Variants in CBFA2T3 observed in about 807,000 individuals in gnomAD.
CBFA2T3 encodes CBFA2/RUNX1 partner transcriptional co-repressor 3.
In CBFA2T3, 31 loss-of-function variants were observed where a neutral mutation model predicts 58.6. The observed-to-expected ratio is 0.53, with a 90% CI of 0.40 to 0.71. CBFA2T3 has a LOEUF of 0.71. Among genes scored for constraint, CBFA2T3 ranks in the 30% least tolerant of loss-of-function variants. CBFA2T3 has a pLI of 0.00. For synonymous variants in CBFA2T3, 531 were observed against 421.9 expected (o/e 1.26, Z -3.17); for missense variants, 1,076 against 963.1 (o/e 1.12, Z -1.55).
chr16:88,936,901 G>A (rs1464252723), intron 1 of CBFA2T3: 2 of 152,280 alleles, frequency 1.3e-5, no homozygotes, highest in African/African-American at 4.8e-5. Flanking sequence ...CAGAAGTGGG[G>A]ACTGGGGAGC....
intron 1 of CBFA2T3, among the ~76,000 whole-genome samples, chr16:88,916,639 G>A (rs1372187356): frequency 1.3e-5 from 2 of 151,312 alleles, no homozygotes; most frequent in African/African-American, 4.9e-5. Context: ...CCTGGGGAGA[G>A]GTGGGTGGGC....
At chr16:88,896,646 G>T (rs113723747) in intron 3 of CBFA2T3, among the ~76,000 whole-genome samples, 1 of 152,216 alleles carries the variant, frequency 6.6e-6, no homozygotes, top group Non-Finnish European at 1.5e-5. Flanking sequence ...AGCCAGGCCA[G>T]GAGATGGCCC....
intron 7 of CBFA2T3, 44 bp from the exon 8 acceptor site, chr16:88,882,805 G>C (rs765607940): frequency 7.7e-7 from 1 of 1,306,628 alleles, no homozygotes; most frequent in Non-Finnish European, 1.1e-6. Flanking sequence ...CCCACAGCCA[G>C]TCTCTGCCCT....
At chr16:88,878,692 T>A (rs998995294) in intron 11 of CBFA2T3, among the ~76,000 whole-genome samples, 12 of 152,208 alleles carry the variant, frequency 7.9e-5, no homozygotes, top group African/African-American at 2.4e-4. Flanking sequence ...GCTTCTGTCA[T>A]CCCAGCACTT....
chr16:88,918,527 G>A (rs1175361392), intron 1 of CBFA2T3, among the ~76,000 whole-genome samples: 1 of 152,232 alleles, frequency 6.6e-6, no homozygotes, highest in African/African-American at 2.4e-5. Flanking sequence ...ACGGTTACTG[G>A]CACAGGCCCT....
intron 1 of CBFA2T3, chr16:88,951,221 G>A (rs1251454733): frequency 9.2e-6 from 4 of 434,310 alleles, no homozygotes; most frequent in African/African-American, 4.4e-5. Context: ...CCCCTGGACC[G>A]GCACCGGCAC....
In CBFA2T3 at chr16:88,885,037, G is replaced by T; in HGVS notation, c.1117+9C>A. 1 of 1,588,518 alleles carries T rather than the reference G, an allele frequency of 6.3e-7. No homozygotes were observed. Among genetic ancestry groups the T allele is most frequent in the Non-Finnish European group, 8.5e-7 (1 of 1,170,898 alleles). ...CGCGTCCACGCTCCCGCCCCACCGG[G>T]CTGCTCACCAAGCGGCCGATGGCGC... On this transcript the variant is annotated intron_variant, in intron 7 of 11. Transcript: ENST00000268679. The surrounding 1 kb of genome is among the most constrained non-coding windows in gnomAD (Gnocchi z 5.3).
rs1968863777 is a variant in CBFA2T3 at position 88,877,089 on chromosome 16, G to C, written c.1849C>G (p.Leu617Val). The C allele has an allele frequency of 6.5e-7, 1 of 1,541,496 alleles. No homozygotes were observed. The highest frequency in any genetic ancestry group is 1.2e-5 in the South Asian group (1 of 83,740). Residue 617 changes from leucine to valine, a missense_variant, in exon 12 of 12, where the codon CTG (leucine) becomes GTG (valine). Leu to Val is a conservative substitution (Grantham distance 32, BLOSUM62 1). Coordinates refer to ENST00000268679, the MANE Select transcript of CBFA2T3 (RefSeq NM_005187.6). ...VPGPPEAAHSLGPSLPVGAAS... is the reference protein window; with the variant it reads ...VPGPPEAAHSVGPSLPVGAAS... ...GCACCCACAGGCAGGGAGGGGCCCAGGCTGTGGGCGGCTTCGGGCGGTCCA... is the reference window on the plus strand; with the variant it reads ...GCACCCACAGGCAGGGAGGGGCCCACGCTGTGGGCGGCTTCGGGCGGTCCA...
chr16:88,973,285 G>C (rs894674990), intron 1 of CBFA2T3, among the ~76,000 whole-genome samples: 2 of 152,206 alleles, frequency 1.3e-5, no homozygotes, highest in African/African-American at 4.8e-5. Context: ...AGGAAGATTT[G>C]GGAGGGAGGA....
intron 5 of CBFA2T3, among the ~76,000 whole-genome samples, chr16:88,891,077 G>A (rs575503200): frequency 6.6e-6 from 1 of 152,054 alleles, no homozygotes; most frequent in Non-Finnish European, 1.5e-5. Context: ...GGTTGATCTG[G>A]GTGTGACCAT....
chr16:88,885,970 G>A lies in CBFA2T3; in HGVS notation c.884C>T (p.Thr295Met), dbSNP rs759184672. 28 of 1,549,278 alleles carry A rather than the reference G, an allele frequency of 1.8e-5. No homozygotes were observed. In the East Asian group the frequency reaches 3.4e-4, roughly 19 times the overall value. The change falls in exon 6 of 12, where the codon ACG (threonine) becomes ATG (methionine). Residue 295 changes from threonine to methionine, a missense_variant. Physicochemically the swap from Thr to Met is moderately conservative, Grantham distance 81. Transcript: ENST00000268679. The surrounding 1 kb of genome is among the most constrained non-coding windows in gnomAD (Gnocchi z 5.3). The part of the protein sequence containing the change: ...LEVNENGKRR[T>M]PDRTKENGSD... Reference sequence around the variant, plus strand: ...CGGAGCCCACAGGTACCTGTCGGGCGTCCTCCTCTTGCCGTTCTCGTTGAC... The same window carrying A: ...CGGAGCCCACAGGTACCTGTCGGGCATCCTCCTCTTGCCGTTCTCGTTGAC...
Position 88,925,107 on chromosome 16 carries a change from C to A in CBFA2T3, c.152-23451G>T, listed in dbSNP as rs1026116071. 3.9e-5 allele frequency among the ~76,000 whole-genome samples: 6 copies of A among 152,258 alleles called. 1 individual carries two copies. Among genetic ancestry groups the A allele is most frequent in the Admixed American group, 3.3e-4 (5 of 15,290 alleles). On this transcript the variant is annotated intron_variant, in intron 1 of 11. Coordinates refer to ENST00000268679, the MANE Select transcript of CBFA2T3 (RefSeq NM_005187.6). The stretch of plus-strand genomic sequence containing the variant: ...CCCGCCCGGAATCACACAGCAACGG[C>A]CTCGTCCTGGACACCGAGCTCGCTG...
intron 7 of CBFA2T3, chr16:88,884,638 C>T (rs751018524): frequency 2.3e-5 from 4 of 172,510 alleles, no homozygotes; most frequent in Non-Finnish European, 3.7e-5. Flanking sequence ...CCAGGCCTCA[C>T]GGCAGCCCTT....
At chr16:88,905,654 C>A (rs1456012024) in intron 1 of CBFA2T3, among the ~76,000 whole-genome samples, 3 of 128,006 alleles carry the variant, frequency 2.3e-5, no homozygotes, top group African/African-American at 5.8e-5. Context: ...ATGATCAGGG[C>A]GGGCCTGAGG....
intron 1 of CBFA2T3, among the ~76,000 whole-genome samples, chr16:88,945,158 G>A (rs571500111): frequency 6.6e-6 from 1 of 152,338 alleles, no homozygotes; most frequent in South Asian, 2.1e-4. Context: ...ATGGATTCTA[G>A]ATACCATAGC....
intron 5 of CBFA2T3, 132 bp from the exon 6 acceptor site, chr16:88,886,274 G>A (rs758634599): frequency 7.8e-5 from 43 of 554,476 alleles, no homozygotes; most frequent in African/African-American, 1.6e-4. Context: ...CAAGGTGCTC[G>A]ACCTCTCTGG....
In CBFA2T3 at chr16:88,958,178, C is replaced by T. The variant is rs903751087; in HGVS notation, c.151+18479G>A. On this transcript the variant is annotated intron_variant, in intron 1 of 11. Coordinates refer to ENST00000268679, the MANE Select transcript of CBFA2T3 (RefSeq NM_005187.6). The surrounding 1 kb of genome is among the most constrained non-coding windows in gnomAD (Gnocchi z 4.0). ...GCCGTAGGAAGCCTGGTCAGGCTGT[C>T]GGGGCCTCAGACGGCAGAAACCTAT... Among the ~76,000 whole-genome samples the T allele has an allele frequency of 3.3e-5, 5 of 152,288 alleles. No individual in the cohort carries two copies. In the East Asian group the frequency reaches 7.7e-4, roughly 24 times the overall value.
chr16:88,961,908 C>T (rs1161204768), intron 1 of CBFA2T3, among the ~76,000 whole-genome samples: 7 of 147,778 alleles, frequency 4.7e-5, no homozygotes, highest in African/African-American at 1.8e-4. Flanking sequence ...GTAACCGACC[C>T]TCAGTGCTGG....
chr16:88,907,557 C>T lies in CBFA2T3; in HGVS notation c.152-5901G>A, dbSNP rs145045758. Among the ~76,000 whole-genome samples the T allele has an allele frequency of 7.4e-3, 1,128 of 152,324 alleles. 20 individuals carry two copies. Among genetic ancestry groups the T allele is most frequent in the African/African-American group, 0.026 (1,068 of 41,558 alleles). On this transcript the variant is annotated intron_variant, in intron 1 of 11. Transcript: ENST00000268679. Reference sequence around the variant, plus strand: ...TGAGATCCTGCGCTTCTCTATCTTACGAGTGGGGAAACAGAGGCACAGAGA... The same window carrying T: ...TGAGATCCTGCGCTTCTCTATCTTATGAGTGGGGAAACAGAGGCACAGAGA...
Sources: gnomAD v4.1 joint callset for allele counts (sites outside exome capture counted in the v4.1 genomes callset) on GRCh38, gnomAD v4.1.1 for gene constraint, Gnocchi (gnomAD v3.1) non-coding constraint, MANE v1.5 for transcripts, NCBI Gene and HGNC (gene_info 2026-07-23, HGNC 2026-07-21) for gene names.